Variants in CAMKMT observed in about 807,000 individuals in gnomAD.
CAMKMT encodes CaM KMT.
CAMKMT carries 53 observed loss-of-function variants against 48.0 expected under a neutral mutation model. The ratio of observed to expected loss-of-function variants is 1.10; its 90% CI spans 0.89 to 1.39. The LOEUF (loss-of-function observed/expected upper bound fraction) is 1.39. CAMKMT is among the 40% of genes most tolerant of loss of function. The pLI, the probability that CAMKMT is intolerant of heterozygous loss-of-function variation, is 0.00. For missense variants in CAMKMT, 428 were observed against 402.7 expected (o/e 1.06, Z -0.54); for synonymous variants, 165 against 152.3 (o/e 1.08, Z -0.61).
At chr2:44,673,521 G>T (rs913967672) in intron 3 of CAMKMT, among the ~76,000 whole-genome samples, 1 of 73,318 alleles carries the variant, frequency 1.4e-5, no homozygotes, top group African/African-American at 6.1e-5. Flanking sequence ...AAGGAAGGAA[G>T]GAGGGAAGGA....
intron 3 of CAMKMT, among the ~76,000 whole-genome samples, chr2:44,506,638 G>A (rs556062559): frequency 6.6e-6 from 1 of 152,158 alleles, no homozygotes; most frequent in East Asian, 1.9e-4. Context: ...TACAGATACT[G>A]GTAAACCCAG....
intron 3 of CAMKMT, among the ~76,000 whole-genome samples, chr2:44,443,071 A>G (rs1273992663): frequency 6.6e-6 from 1 of 152,222 alleles, no homozygotes; most frequent in Admixed American, 6.5e-5. Flanking sequence ...TTGAAGATTT[A>G]AAATATAGTT....
At chr2:44,658,616 G>A (rs375164882) in intron 3 of CAMKMT, among the ~76,000 whole-genome samples, 9 of 152,248 alleles carry the variant, frequency 5.9e-5, no homozygotes, top group South Asian at 2.1e-4. Flanking sequence ...CTGTATAACC[G>A]TAGACAATCT....
At chr2:44,629,773 A>T (rs1040205277) in intron 3 of CAMKMT, among the ~76,000 whole-genome samples, 8 of 152,228 alleles carry the variant, frequency 5.3e-5, no homozygotes, top group Admixed American at 1.3e-4. Context: ...AGAACATTCT[A>T]TGCTCACGGG....
At chr2:44,564,162 C>T (rs151143227) in intron 3 of CAMKMT, among the ~76,000 whole-genome samples, 50 of 148,546 alleles carry the variant, frequency 3.4e-4, no homozygotes, top group African/African-American at 1.2e-3. Flanking sequence ...TCAAAGCATA[C>T]TAGTTGATCA....
chr2:44,701,516 G>A (rs1048468064), intron 3 of CAMKMT, among the ~76,000 whole-genome samples: 2 of 152,182 alleles, frequency 1.3e-5, no homozygotes. Context: ...ATATTTAAAT[G>A]CAAAATATAT....
chr2:44,382,583 G>T (rs902494976), intron 2 of CAMKMT, among the ~76,000 whole-genome samples: 3 of 151,362 alleles, frequency 2.0e-5, no homozygotes, highest in African/African-American at 7.3e-5. Context: ...GGTTCATGCC[G>T]ATCTTCTGCC....
rs187420709 is a variant in CAMKMT, at chr2:44,441,281, A to G, written c.376+50976A>G. Among the ~76,000 whole-genome samples the G allele has an allele frequency of 2.4e-4, 37 of 152,300 alleles. No individual in the cohort carries two copies. The East Asian group carries it at 7.1e-3, about 29-fold the overall frequency. ...CCCTACATCATGAGTTTTCAGGATT[A>G]AAAGGTTTTTTGACCTTTAAATTGT... On this transcript the variant is annotated intron_variant, in intron 3 of 10. Transcript: ENST00000378494.
chr2:44,406,981 T>C (rs1682825644), intron 3 of CAMKMT, among the ~76,000 whole-genome samples: 1 of 152,238 alleles, frequency 6.6e-6, no homozygotes, highest in African/African-American at 2.4e-5. Flanking sequence ...TTGTGCTTTT[T>C]AATTGGATTC....
intron 3 of CAMKMT, among the ~76,000 whole-genome samples, chr2:44,593,044 T>C (rs1351723414): frequency 6.6e-6 from 1 of 152,208 alleles, no homozygotes; most frequent in African/African-American, 2.4e-5. Flanking sequence ...TAATAAATAT[T>C]CTTGAGTTTT....
At chr2:44,681,261 G>T (rs1165882739) in intron 3 of CAMKMT, among the ~76,000 whole-genome samples, 1 of 152,076 alleles carries the variant, frequency 6.6e-6, no homozygotes, top group Non-Finnish European at 1.5e-5. Flanking sequence ...AGACTTGGAC[G>T]CTTTGTTTGC....
At chr2:44,693,259 C>T (rs1363539513) in intron 3 of CAMKMT, among the ~76,000 whole-genome samples, 1 of 152,188 alleles carries the variant, frequency 6.6e-6, no homozygotes, top group African/African-American at 2.4e-5. Flanking sequence ...GGTCATACCA[C>T]GATGCTGCCT....
chr2:44,639,002 G>A (rs1435274343), intron 3 of CAMKMT, among the ~76,000 whole-genome samples: 3 of 152,128 alleles, frequency 2.0e-5, no homozygotes, highest in Admixed American at 6.6e-5. Context: ...TTGTGCCACA[G>A]CAGGTTTGAT....
intron 3 of CAMKMT, among the ~76,000 whole-genome samples, chr2:44,538,958 CTGTGTGTGTGTGTGTGTG>C (rs57970764): frequency 0.019 from 2,596 of 140,204 alleles, 88 homozygotes; most frequent in African/African-American, 0.065. Context: ...GTGTGTGTGT[CTGTGTGTGTGTGTGTGTG>C]TGTGTGTGTG....
At chr2:44,761,767 C>T (rs969696297) in intron 9 of CAMKMT, among the ~76,000 whole-genome samples, 1 of 152,178 alleles carries the variant, frequency 6.6e-6, no homozygotes, top group African/African-American at 2.4e-5. Flanking sequence ...CTAAGAGGTA[C>T]TCAGCTTGCA....
chr2:44,648,161 A>G (rs1230317698), intron 3 of CAMKMT, among the ~76,000 whole-genome samples: 1 of 152,076 alleles, frequency 6.6e-6, no homozygotes, highest in East Asian at 1.9e-4. Context: ...CATTATGTAT[A>G]GTATAATGCC....
At chr2:44,621,112 C>CA (rs1382739047) in intron 3 of CAMKMT, among the ~76,000 whole-genome samples, 2 of 151,794 alleles carry the variant, frequency 1.3e-5, no homozygotes, top group African/African-American at 4.8e-5. Context: ...ACTAAAAATA[C>CA]AAAAAATTAG....
At chr2:44,771,128 G>A (rs1200451579) in intron 10 of CAMKMT, among the ~76,000 whole-genome samples, 1 of 152,062 alleles carries the variant, frequency 6.6e-6, no homozygotes, top group Non-Finnish European at 1.5e-5. Flanking sequence ...GTGATGTTGA[G>A]GCCATTCATT....
At chr2:44,369,023 T>A (rs112482581) in intron 1 of CAMKMT, among the ~76,000 whole-genome samples, 10 of 152,036 alleles carry the variant, frequency 6.6e-5, no homozygotes, top group African/African-American at 1.9e-4. Flanking sequence ...GAACCTGGGA[T>A]TACAGGTGCA....
Sources: gnomAD v4.1 joint callset for allele counts (sites outside exome capture counted in the v4.1 genomes callset) on GRCh38, gnomAD v4.1.1 for gene constraint, MANE v1.5 for transcripts, NCBI Gene and HGNC (gene_info 2026-07-23, HGNC 2026-07-21) for gene names.